UHRF2: variants seen among roughly 807,000 people sequenced by gnomAD.
UHRF2 encodes the protein E3 ubiquitin-protein ligase UHRF2.
Under a neutral mutation model 96.8 loss-of-function variants are expected in UHRF2, and 23 were observed. The observed-to-expected ratio is 0.24, with a 90% CI of 0.17 to 0.34. The LOEUF (loss-of-function observed/expected upper bound fraction) is 0.34, where lower values mean the gene tolerates loss of function less well. UHRF2 is among the 10% of genes least tolerant of loss of function. The pLI is 1.00. For missense variants in UHRF2, 685 were observed against 981.5 expected (o/e 0.70, Z 4.04); for synonymous variants, 385 against 332.6 (o/e 1.16, Z -1.72).
At chr9:6,457,003 T>A (rs1005195958) in intron 3 of UHRF2, among the ~76,000 whole-genome samples, 34 of 152,360 alleles carry the variant, frequency 2.2e-4, no homozygotes, top group Admixed American at 3.9e-4. Context: ...TCTTTTTTAG[T>A]TCCATATGAA....
chr9:6,459,305 A>G (rs1822378511), intron 3 of UHRF2, among the ~76,000 whole-genome samples: 1 of 152,224 alleles, frequency 6.6e-6, no homozygotes, highest in African/African-American at 2.4e-5. Flanking sequence ...TCTTATAAGT[A>G]CTGCAAAATG....
chr9:6,447,530 C>G (rs997245368), intron 3 of UHRF2, among the ~76,000 whole-genome samples: 3 of 152,040 alleles, frequency 2.0e-5, no homozygotes, highest in Admixed American at 2.0e-4. Context: ...ATGGGGCTAC[C>G]TGAGAGTAGA....
At chr9:6,423,447 C>G (rs546734125) in intron 2 of UHRF2, among the ~76,000 whole-genome samples, 55 of 152,198 alleles carry the variant, frequency 3.6e-4, no homozygotes, top group Non-Finnish European at 7.4e-4. Context: ...GCTGATTTAA[C>G]TTGCTTTTAA....
At chr9:6,463,134 A>G (rs895579693) in intron 4 of UHRF2, among the ~76,000 whole-genome samples, 1 of 152,018 alleles carries the variant, frequency 6.6e-6, no homozygotes, top group Non-Finnish European at 1.5e-5. Context: ...ATACAAAATT[A>G]GCTGGGTGCG....
intron 9 of UHRF2, among the ~76,000 whole-genome samples, chr9:6,488,735 C>T (rs962618792): frequency 6.6e-6 from 1 of 151,458 alleles, no homozygotes; most frequent in African/African-American, 2.4e-5. Flanking sequence ...CTCCTGGCCT[C>T]AGGTGATCTG....
chr9:6,417,933 G>T (rs908238682), intron 1 of UHRF2, among the ~76,000 whole-genome samples: 14 of 152,080 alleles, frequency 9.2e-5, no homozygotes, highest in African/African-American at 3.4e-4. Flanking sequence ...AAACCTAAGT[G>T]GAAAAATGTT....
chr9:6,494,087 G>A (rs1824828327), intron 10 of UHRF2, 155 bp downstream of exon 10: 2 of 616,492 alleles, frequency 3.2e-6, no homozygotes, highest in Admixed American at 6.2e-5. Flanking sequence ...TTGTTTTTCA[G>A]CATCCTAACA....
At chr9:6,476,918 CACTT>C (rs1823608212) in intron 5 of UHRF2, among the ~76,000 whole-genome samples, 1 of 152,114 alleles carries the variant, frequency 6.6e-6, no homozygotes, top group African/African-American at 2.4e-5. Context: ...TAAAACCTCA[CACTT>C]GATTATTCTT....
chr9:6,439,404 C>T (rs967198451), intron 3 of UHRF2, among the ~76,000 whole-genome samples: 4 of 152,208 alleles, frequency 2.6e-5, no homozygotes, highest in Admixed American at 6.5e-5. Context: ...GAACTCCTGA[C>T]CTCAAGCCTC....
chr9:6,472,682 A>T (rs1823316811), intron 4 of UHRF2, among the ~76,000 whole-genome samples: 1 of 152,256 alleles, frequency 6.6e-6, no homozygotes, highest in Non-Finnish European at 1.5e-5. Context: ...TGGCTCTATG[A>T]CCTGACACAG....
At chr9:6,454,121 C>A (rs1019431090) in intron 3 of UHRF2, among the ~76,000 whole-genome samples, 1 of 152,112 alleles carries the variant, frequency 6.6e-6, no homozygotes, top group Admixed American at 6.5e-5. Context: ...CCATTAGGTA[C>A]GTTTTACGGG....
At chr9:6,463,376 T>C (rs1249622639) in intron 4 of UHRF2, among the ~76,000 whole-genome samples, 1 of 151,992 alleles carries the variant, frequency 6.6e-6, no homozygotes, top group African/African-American at 2.4e-5. Context: ...AACAGTACAA[T>C]AAAATGTAAA....
At position 6,436,984 on chromosome 9, in the gene UHRF2, G is replaced by T. The variant is rs573659584; in HGVS notation, c.644+2811G>T. ...ATGTCACCTCTTTAAAAAGAGGAAA[G>T]GACTATATAAAATATGAGATGTATA... On this transcript the variant is annotated intron_variant, in intron 3 of 15. Coordinates refer to ENST00000276893, the MANE Select transcript of UHRF2 (RefSeq NM_152896.3). Among the ~76,000 whole-genome samples, 3 of 152,218 alleles carry T rather than the reference G, an allele frequency of 2.0e-5. No individual in the cohort carries two copies. In the South Asian group the frequency reaches 6.2e-4, roughly 32 times the overall value.
At chr9:6,481,594 T>A in intron 6 of UHRF2, 49 bp from the exon 7 acceptor site, 1 of 1,593,082 alleles carries the variant, frequency 6.3e-7, no homozygotes, top group Non-Finnish European at 8.5e-7. Context: ...TGTTACTAGC[T>A]TTAATATGGT....
intron 3 of UHRF2, among the ~76,000 whole-genome samples, chr9:6,447,521 T>C (rs557782550): frequency 1.3e-5 from 2 of 152,246 alleles, no homozygotes; most frequent in African/African-American, 4.8e-5. Flanking sequence ...GCAGAAAATA[T>C]GGGGCTACCT....
In UHRF2 at chr9:6,480,872, T is replaced by TG. The variant is rs1224710528; in HGVS notation, c.1161-770dup. On this transcript the variant is annotated intron_variant, in intron 6 of 15. Coordinates refer to ENST00000276893, the MANE Select transcript of UHRF2 (RefSeq NM_152896.3). ...AAAGTATCTCATAATTGGATTGACT[T>TG]GTGGGCATAGTCTTCTTTGCTCTAA... 2.6e-5 allele frequency among the ~76,000 whole-genome samples: 4 copies of TG among 152,312 alleles called. No individual in the cohort carries two copies. The South Asian group carries it at 8.3e-4, about 32-fold the overall frequency.
Position 6,413,305 on chromosome 9 carries a change from A to C in UHRF2, c.-186A>C. 1 of 329,586 alleles carries C rather than the reference A, an allele frequency of 3.0e-6. No homozygotes were observed. The highest frequency in any genetic ancestry group is 4.8e-6 in the Non-Finnish European group (1 of 208,732). 20.4% of individuals were successfully genotyped at this position (329,586 alleles called of 1,614,324 possible). ...CCGGTCGTCTCTCCTCAAGTCGGCTAGTCGGGCGCGCGCGCTGAGAGTCGT... is the reference window on the plus strand; with the variant it reads ...CCGGTCGTCTCTCCTCAAGTCGGCTCGTCGGGCGCGCGCGCTGAGAGTCGT... On this transcript the variant is annotated 5_prime_UTR_variant, in exon 1 of 16. Transcript: ENST00000276893.
At chr9:6,480,173 C>T (rs759065282) in intron 6 of UHRF2, among the ~76,000 whole-genome samples, 2 of 152,136 alleles carry the variant, frequency 1.3e-5, no homozygotes, top group Non-Finnish European at 2.9e-5. Flanking sequence ...CTTTTTATGC[C>T]TCAGGACCTT....
intron 8 of UHRF2, among the ~76,000 whole-genome samples, chr9:6,483,161 C>T (rs1824027572): frequency 6.6e-6 from 1 of 151,722 alleles, no homozygotes; most frequent in Admixed American, 6.6e-5. Context: ...CCCATCTCTA[C>T]TAAAAATACA....
Sources: gnomAD v4.1 joint callset for allele counts (sites outside exome capture counted in the v4.1 genomes callset) on GRCh38, gnomAD v4.1.1 for gene constraint, MANE v1.5 for transcripts, NCBI Gene and HGNC (gene_info 2026-07-23, HGNC 2026-07-21) for gene names.